Variants in PHLDB1 observed in about 807,000 individuals in gnomAD.
PHLDB1 encodes the protein pleckstrin homology like domain family B member 1, also known as pleckstrin homology-like domain family B member 1.
Under a neutral mutation model 139.3 loss-of-function variants are expected in PHLDB1, and 65 were observed. That is an observed-to-expected ratio of 0.47 (90% CI 0.38 to 0.57). The LOEUF (loss-of-function observed/expected upper bound fraction) is 0.57, where lower values mean the gene tolerates loss of function less well. Among genes scored for constraint, PHLDB1 ranks in the 20% least tolerant of loss-of-function variants. The pLI is 0.00. For synonymous variants in PHLDB1, 679 were observed against 734.5 expected (o/e 0.92, Z 1.22); for missense variants, 1,624 against 1,839.7 (o/e 0.88, Z 2.14).
chr11:118,645,077 C>T lies in PHLDB1; in HGVS notation c.3122-279C>T. On this transcript the variant is annotated intron_variant, in intron 15 of 22. Coordinates refer to ENST00000600882, the MANE Select transcript of PHLDB1 (RefSeq NM_001144758.3). This position sits in a 1 kb window ranked among gnomAD's most constrained non-coding sequence, Gnocchi z 5.1. ...GAGCCAACTGGCTGTCGTGCTGCCC[C>T]AGCACTACTTGGGTAGGTTTGGTGT... 1 of 410,876 alleles carries T rather than the reference C, an allele frequency of 2.4e-6. No homozygotes were observed. Among genetic ancestry groups the T allele is most frequent in the Non-Finnish European group, 4.3e-6 (1 of 232,252 alleles). The allele number at this position is 410,876 out of a possible 1,614,324, so 25.5% of individuals were successfully genotyped here. A position where few individuals can be genotyped will look rare whatever the true frequency, so the allele number is the denominator to read the frequency against.
chr11:118,656,745 C>A lies in PHLDB1; in HGVS notation c.4056C>A (p.Ala1352=). The A allele has an allele frequency of 1.2e-6, 2 of 1,613,952 alleles. No homozygotes were observed. Among genetic ancestry groups the A allele is most frequent in the Non-Finnish European group, 1.7e-6 (2 of 1,179,838 alleles). The change falls in exon 23 of 23, where the codon GCC becomes GCA. Residue 1352 remains alanine (A), a synonymous_variant. Transcript: ENST00000600882. ...ATGACCGGCTGTACTACATGGTGGC[C>A]CCATCTGCAGAGGCCATGCGTATCT... ...KTHDRLYYMV[A]PSAEAMRIWM... is the part of the protein sequence containing the mutation.
At chr11:118,639,399 T>G in intron 12 of PHLDB1, 148 bp downstream of exon 12, 1 of 652,654 alleles carries the variant, frequency 1.5e-6, no homozygotes, top group African/African-American at 1.8e-5. Flanking sequence ...GGCCCCAAGC[T>G]CTGGGATTTG....
In PHLDB1 at chr11:118,650,810, A is replaced by G. The variant is rs1000357203; in HGVS notation, c.3874+263A>G. 14 of 503,178 alleles carry G rather than the reference A, an allele frequency of 2.8e-5. No individual in the cohort carries two copies. The highest frequency in any genetic ancestry group is 5.8e-5 in the African/African-American group (3 of 51,748). The allele number at this position is 503,178 out of a possible 1,614,324, so 31.2% of individuals were successfully genotyped here. The stretch of plus-strand genomic sequence containing the variant: ...CTGTTCTAGGCTCTGGTGATGAGTA[A>G]GATGGCCACAGCGCTCTCATGGAGC... On this transcript the variant is annotated intron_variant, in intron 20 of 22. Transcript: ENST00000600882. The surrounding 1 kb of genome is among the most constrained non-coding windows in gnomAD (Gnocchi z 4.7).
rs1555099554 is a variant in PHLDB1, at chr11:118,624,953, T to C, written c.375T>C (p.Gly125=). The change falls in exon 5 of 23, where the codon GGT becomes GGC. Residue 125 remains glycine, a synonymous_variant. Coordinates refer to ENST00000600882, the MANE Select transcript of PHLDB1 (RefSeq NM_001144758.3). ...RLTQGCMLCL[G]QSTFLRFNHP... ...CTGCAGGCTGCATGTTGTGCCTGGG[T>C]CAGTCCACCTTCCTTCGCTTTAACC... 2 of 1,614,094 alleles carry C rather than the reference T, an allele frequency of 1.2e-6. No homozygotes were observed. Among genetic ancestry groups the C allele is most frequent in the African/African-American group, 1.3e-5 (1 of 75,024 alleles).
rs1343908988 is a variant in PHLDB1 at position 118,611,057 on chromosome 11, G to C, written c.-21-2759G>C. Reference sequence around the variant, plus strand: ...GACAGCCGGGTTGCTGGGGAGCCGCGGGCCAGATGGAAGCGGGGCCGCAGG... The same window carrying C: ...GACAGCCGGGTTGCTGGGGAGCCGCCGGCCAGATGGAAGCGGGGCCGCAGG... On this transcript the variant is annotated intron_variant, in intron 1 of 22. Coordinates refer to ENST00000600882, the MANE Select transcript of PHLDB1 (RefSeq NM_001144758.3). The surrounding 1 kb of genome is among the most constrained non-coding windows in gnomAD (Gnocchi z 4.7). 6.6e-6 allele frequency among the ~76,000 whole-genome samples: 1 copy of C among 152,178 alleles called. No homozygotes were observed. Among genetic ancestry groups the C allele is most frequent in the Admixed American group, 6.5e-5 (1 of 15,288 alleles).
At position 118,608,368 on chromosome 11, in the gene PHLDB1, C is replaced by T. The variant is rs1939510058; in HGVS notation, c.-22+669C>T. Among the ~76,000 whole-genome samples the T allele has an allele frequency of 6.6e-6, 1 of 152,166 alleles. No individual in the cohort carries two copies. Among genetic ancestry groups the T allele is most frequent in the Admixed American group, 6.5e-5 (1 of 15,288 alleles). On this transcript the variant is annotated intron_variant, in intron 1 of 22. Transcript: ENST00000600882. The surrounding 1 kb of genome is among the most constrained non-coding windows in gnomAD (Gnocchi z 6.7). The stretch of plus-strand genomic sequence containing the variant: ...CGCCCGCGCGGTCCCTATTGGAATC[C>T]CTAGCGGAGTTCCCCGAGCGGAGGC...
intron 13 of PHLDB1, 139 bp from the exon 14 acceptor site, chr11:118,643,661 A>C (rs531447367): frequency 4.7e-5 from 72 of 1,544,954 alleles, no homozygotes; most frequent in Non-Finnish European, 5.9e-5. Flanking sequence ...GGGCTGGCTC[A>C]GGAGGCTTGT....
intron 20 of PHLDB1, chr11:118,651,025 G>A (rs961975813): frequency 1.8e-5 from 3 of 165,426 alleles, no homozygotes; most frequent in Non-Finnish European, 4.0e-5. Flanking sequence ...GGATAGCCCA[G>A]GAACAGGCCG....
chr11:118,643,384 C>A, intron 13 of PHLDB1: 1 of 287,176 alleles, frequency 3.5e-6, no homozygotes, highest in Non-Finnish European at 5.2e-6. Context: ...TAGTCTAGTC[C>A]TACCCCCTTC....
rs1192617836 is a variant in PHLDB1 at position 118,610,102 on chromosome 11, T to C, written c.-22+2403T>C. On this transcript the variant is annotated intron_variant, in intron 1 of 22. Transcript: ENST00000600882. The surrounding 1 kb of genome is among the most constrained non-coding windows in gnomAD (Gnocchi z 8.7). Reference sequence around the variant, plus strand: ...CCTCCACTTGAGGACCCGCCTGTCCTTTCTTCCCCCGACCCCTCCACCTCT... The same window carrying C: ...CCTCCACTTGAGGACCCGCCTGTCCCTTCTTCCCCCGACCCCTCCACCTCT... Among the ~76,000 whole-genome samples the C allele has an allele frequency of 6.6e-6, 1 of 151,344 alleles. No homozygotes were observed. The highest frequency in any genetic ancestry group is 1.5e-5 in the Non-Finnish European group (1 of 67,884).
rs782050549 is a variant in PHLDB1 at position 118,631,256 on chromosome 11, G to T, written c.1877G>T (p.Arg626Leu). ...TILNLCAEYS[R>L]ADGGPEAGEL... is the part of the protein sequence containing the mutation. ...CTGAACCTGTGTGCCGAATACAGCC[G>T]GGCTGATGGGGGACCTGAGGCTGGG... The change falls in exon 7 of 23, where the codon CGG (arginine) becomes CTG (leucine). Residue 626 changes from arginine to leucine, a missense_variant. Arg to Leu is a moderately radical substitution (Grantham distance 102, BLOSUM62 -2). Coordinates refer to ENST00000600882, the MANE Select transcript of PHLDB1 (RefSeq NM_001144758.3). 4 of 1,481,116 alleles carry T rather than the reference G, an allele frequency of 2.7e-6. No homozygotes were observed. In the South Asian group the frequency reaches 4.2e-5, roughly 16 times the overall value. The allele number at this position is 1,481,116 out of a possible 1,614,324, so 91.7% of individuals were successfully genotyped here.
chr11:118,639,887 A>C (rs1432819192), intron 12 of PHLDB1: 1 of 986,532 alleles, frequency 1.0e-6, no homozygotes, highest in African/African-American at 1.8e-5. Context: ...CCGAGTCCTC[A>C]GAGATGGGGC....
rs1234735939 is a variant in PHLDB1 at position 118,627,829 on chromosome 11, G to C, written c.1006G>C (p.Ala336Pro). The C allele has an allele frequency of 6.2e-7, 1 of 1,606,362 alleles. No homozygotes were observed. The highest frequency in any genetic ancestry group is 1.3e-5 in the African/African-American group (1 of 75,046). Residue 336 changes from alanine (A) to proline (P), a missense_variant, in exon 6 of 23, where the codon GCA becomes CCA. Transcript: ENST00000600882. ...CCGGGGTCTGCTGACAGACAGCCCT[G>C]CAGCTACTGTCTTGGCGGAGGCCCG... The part of the protein sequence containing the change: ...GLRGLLTDSP[A>P]ATVLAEARRA...
chr11:118,611,818 CAAAAAA>C lies in PHLDB1; in HGVS notation c.-21-1987_-21-1982del, dbSNP rs782515711. Among the ~76,000 whole-genome samples the C allele has an allele frequency of 1.6e-4, 17 of 109,046 alleles. No homozygotes were observed. The highest frequency in any genetic ancestry group is 7.7e-4 in the South Asian group (3 of 3,918). The allele number at this position is 109,046 out of a possible 152,430, so 71.5% of individuals were successfully genotyped here. On this transcript the variant is annotated intron_variant, in intron 1 of 22. Transcript: ENST00000600882. This position sits in a 1 kb window ranked among gnomAD's most constrained non-coding sequence, Gnocchi z 4.7. ...GGGCAACAAGAGTGAAACTCCGTCT[CAAAAAA>C]AAAAAAAAAATAATAATAATAATAA...
chr11:118,613,265 C>A, intron 1 of PHLDB1: 1 of 983,694 alleles, frequency 1.0e-6, no homozygotes, highest in Non-Finnish European at 1.2e-6. Flanking sequence ...GCAGGAATGG[C>A]TGAGTTTTTC....
rs1555110066 is a variant in PHLDB1 at position 118,631,351 on chromosome 11, G to T, written c.1972G>T (p.Ala658Ser). The T allele has an allele frequency of 1.3e-6, 2 of 1,537,576 alleles. No homozygotes were observed. Among genetic ancestry groups the T allele is most frequent in the African/African-American group, 1.4e-5 (1 of 70,608 alleles). The change falls in exon 7 of 23, where the codon GCA becomes TCA. Residue 658 changes from alanine (A) to serine (S), a missense_variant. Physicochemically the swap from Ala to Ser is moderately conservative, Grantham distance 99. Coordinates refer to ENST00000600882, the MANE Select transcript of PHLDB1 (RefSeq NM_001144758.3). ...LAGRRPSRGL[A>S]GASGRSSEEP... ...AGGCCGGAGGCCCTCACGAGGCCTT[G>T]CAGGGGCCTCTGGGCGGAGCAGCGA...
chr11:118,632,620 G>C lies in PHLDB1; in HGVS notation c.2379+324G>C. ...CTTGGGCAGTGAGCACAGCCCAAGG[G>C]ACTGACATTGGGGAGTGATTCAAGT... On this transcript the variant is annotated intron_variant, in intron 9 of 22. Coordinates refer to ENST00000600882, the MANE Select transcript of PHLDB1 (RefSeq NM_001144758.3). This position sits in a 1 kb window ranked among gnomAD's most constrained non-coding sequence, Gnocchi z 5.9. 1 of 321,968 alleles carries C rather than the reference G, an allele frequency of 3.1e-6. No homozygotes were observed. The highest frequency in any genetic ancestry group is 5.8e-6 in the Non-Finnish European group (1 of 173,282). 19.9% of individuals were successfully genotyped at this position (321,968 alleles called of 1,614,324 possible). A position where few individuals can be genotyped will look rare whatever the true frequency, so the allele number is the denominator to read the frequency against.
intron 12 of PHLDB1, chr11:118,641,847 C>T (rs1946578409): frequency 8.2e-7 from 1 of 1,214,076 alleles, no homozygotes; most frequent in African/African-American, 1.5e-5. Flanking sequence ...GTGTGTTTTG[C>T]TCCTGCTCAC....
chr11:118,646,989 T>C (rs1190712178), intron 17 of PHLDB1: 3 of 152,160 alleles, frequency 2.0e-5, no homozygotes, highest in Non-Finnish European at 4.4e-5. Flanking sequence ...GAGTTAATGG[T>C]ATAGGAGGTC....
Sources: gnomAD v4.1 joint callset for allele counts (sites outside exome capture counted in the v4.1 genomes callset) on GRCh38, gnomAD v4.1.1 for gene constraint, Gnocchi (gnomAD v3.1) non-coding constraint, MANE v1.5 for transcripts, NCBI Gene and HGNC (gene_info 2026-07-23, HGNC 2026-07-21) for gene names.